Variants in ITPR1 observed in about 807,000 individuals in gnomAD.
ITPR1 encodes inositol 1,4,5-trisphosphate-gated calcium channel ITPR1.
ITPR1 carries 96 observed loss-of-function variants against 318.4 expected under a neutral mutation model. The observed-to-expected ratio is 0.30, with a 90% CI of 0.26 to 0.36. The LOEUF (loss-of-function observed/expected upper bound fraction) is 0.36. Ranked by LOEUF, ITPR1 falls within the 10% of genes least tolerant of loss-of-function variation. The pLI is 1.00. For missense variants in ITPR1, 2,440 were observed against 3,460.2 expected, an observed-to-expected ratio of 0.71 and a Z score of 7.40; for synonymous variants, 1,312 against 1,289.9, an observed-to-expected ratio of 1.02 and a Z score of -0.37.
At chr3:4,705,316 T>C (rs889614824) in intron 36 of ITPR1, among the ~76,000 whole-genome samples, 18 of 152,204 alleles carry the variant, frequency 1.2e-4, no homozygotes, top group African/African-American at 3.9e-4. Flanking sequence ...CCCTCACCCA[T>C]TGTCACCCGT....
At chr3:4,678,769 G>C (rs980137595) in intron 24 of ITPR1, among the ~76,000 whole-genome samples, 1 of 152,142 alleles carries the variant, frequency 6.6e-6, no homozygotes, top group South Asian at 2.1e-4. Flanking sequence ...ACAAGGGCCC[G>C]TTCTCAGGTG....
chr3:4,842,051 A>G (rs1257078243), intron 61 of ITPR1, among the ~76,000 whole-genome samples: 2 of 152,220 alleles, frequency 1.3e-5, no homozygotes, highest in African/African-American at 4.8e-5. Flanking sequence ...TGTGTTATAA[A>G]CCAGAAATGT....
chr3:4,587,756 G>A (rs1559494862), intron 4 of ITPR1, among the ~76,000 whole-genome samples: 1 of 152,220 alleles, frequency 6.6e-6, no homozygotes, highest in Non-Finnish European at 1.5e-5. Context: ...GATACTGAAA[G>A]AGAAACTGTC....
chr3:4,759,057 A>G (rs1324674949), intron 44 of ITPR1, among the ~76,000 whole-genome samples: 1 of 152,080 alleles, frequency 6.6e-6, no homozygotes, highest in Non-Finnish European at 1.5e-5. Flanking sequence ...TGTTATGTAA[A>G]TGGCCAAAGA....
intron 6 of ITPR1, 33 bp downstream of exon 6, chr3:4,639,503 G>T (rs1257242572): frequency 3.4e-6 from 5 of 1,453,458 alleles, no homozygotes; most frequent in Non-Finnish European, 4.7e-6. Flanking sequence ...TTCTGAAGCT[G>T]AAGCGTTACA....
chr3:4,493,886 C>CTTTTTTTTTTTTTTT (rs71301158), intron 1 of ITPR1, among the ~76,000 whole-genome samples: 1 of 125,622 alleles, frequency 8.0e-6, no homozygotes, highest in Non-Finnish European at 1.7e-5. Flanking sequence ...GGAAATAGTT[C>CTTTTTTTTTTTTTTT]TTTTTTTTTT....
intron 60 of ITPR1, among the ~76,000 whole-genome samples, chr3:4,827,196 C>T (rs564999506): frequency 9.8e-5 from 15 of 152,330 alleles, no homozygotes; most frequent in Admixed American, 7.8e-4. Flanking sequence ...GCTCCTGCCC[C>T]GACAGCACCA....
intron 22 of ITPR1, 110 bp downstream of exon 22, chr3:4,674,453 T>C (rs2094146167): frequency 4.5e-6 from 4 of 898,654 alleles, no homozygotes; most frequent in East Asian, 2.8e-5. Flanking sequence ...CATGATGCTC[T>C]GGTTTTGTAA....
Position 4,806,091 on chromosome 3 carries a change from C to A in ITPR1, c.7108-12C>A. The A allele has an allele frequency of 1.2e-6, 2 of 1,609,842 alleles. No individual in the cohort carries two copies. Among genetic ancestry groups the A allele is most frequent in the South Asian group, 1.1e-5 (1 of 90,522 alleles). On this transcript the variant is annotated splice_polypyrimidine_tract_variant and intron_variant, in intron 54 of 61. Transcript: ENST00000649015. ...GTCCGTGCCATCTGACTGTTCCTGT[C>A]ATTGTTCTCAGGTATGCAATAAAAT...
intron 4 of ITPR1, among the ~76,000 whole-genome samples, chr3:4,587,356 C>T (rs950074684): frequency 4.0e-5 from 6 of 151,196 alleles, no homozygotes; most frequent in African/African-American, 1.2e-4. Context: ...TTACTGCAAC[C>T]TCCACCTCCC....
intron 4 of ITPR1, among the ~76,000 whole-genome samples, chr3:4,567,606 T>TC (rs1411804727): frequency 1.4e-5 from 2 of 140,650 alleles, no homozygotes; most frequent in Admixed American, 7.3e-5. Flanking sequence ...TGAGCTAGTT[T>TC]TTTTTGGTTT....
chr3:4,810,836 G>GTA (rs1353815602), intron 55 of ITPR1, among the ~76,000 whole-genome samples: 1 of 152,206 alleles, frequency 6.6e-6, no homozygotes, highest in Non-Finnish European at 1.5e-5. Context: ...CTGGCTTGTA[G>GTA]TACGTCTGCC....
intron 2 of ITPR1, among the ~76,000 whole-genome samples, chr3:4,505,516 T>C (rs771012833): frequency 6.6e-6 from 1 of 152,192 alleles, no homozygotes; most frequent in African/African-American, 2.4e-5. Context: ...TTGATTTTTA[T>C]TATTTTTAAA....
At chr3:4,596,638 G>A (rs886537497) in intron 4 of ITPR1, among the ~76,000 whole-genome samples, 7 of 152,160 alleles carry the variant, frequency 4.6e-5, no homozygotes, top group African/African-American at 1.7e-4. Flanking sequence ...GACTGCCTCT[G>A]CTAGAATCCT....
At chr3:4,516,083 A>G (rs1352878059) in intron 2 of ITPR1, among the ~76,000 whole-genome samples, 1 of 152,156 alleles carries the variant, frequency 6.6e-6, no homozygotes, top group Non-Finnish European at 1.5e-5. Flanking sequence ...CCTGAAGCAA[A>G]TTGAATATGT....
In ITPR1 at chr3:4,662,086, G is replaced by A. The variant is rs775487855; in HGVS notation, c.1256G>A (p.Gly419Asp). 3 of 1,611,972 alleles carry A rather than the reference G, an allele frequency of 1.9e-6. No individual in the cohort carries two copies. The highest frequency in any genetic ancestry group is 1.1e-5 in the South Asian group (1 of 90,780). The change falls in exon 15 of 62, where the codon GGC (glycine) becomes GAC (aspartate). Residue 419 changes from glycine to aspartate, a missense_variant. By Grantham distance (94) the Gly-to-Asp change is moderately conservative. Around this residue, in one of 23 missense-constraint regions of ITPR1, gnomAD observed 101 missense variants for 119.6 expected, o/e 0.84. Transcript: ENST00000649015. ...AAGGACCACCTTGAATTTCAGATTG[G>A]CACCTCTCCTGTGAAGGAGGATAAG... Reference protein sequence around the residue: ...EEEKPVMLKIGTSPVKEDKEA... With the variant: ...EEEKPVMLKIDTSPVKEDKEA...
chr3:4,503,506 A>G (rs1453618587), intron 2 of ITPR1, among the ~76,000 whole-genome samples: 1 of 152,184 alleles, frequency 6.6e-6, no homozygotes, highest in Non-Finnish European at 1.5e-5. Context: ...AGCAAAACCT[A>G]TCTATGTCCT....
chr3:4,593,763 A>G (rs185776273), intron 4 of ITPR1, among the ~76,000 whole-genome samples: 1 of 152,378 alleles, frequency 6.6e-6, no homozygotes, highest in Admixed American at 6.5e-5. Context: ...AGGAGAGACC[A>G]GTGCAAAAGA....
Position 4,691,130 on chromosome 3 carries a change from C to T in ITPR1, c.3829-14C>T. ...TGACTTGTCCCTGTGCTCTTTTCCT[C>T]ACTCTTGTGCCAGATCCTGGAGGCA... On this transcript the variant is annotated splice_polypyrimidine_tract_variant and intron_variant, in intron 31 of 61. Coordinates refer to ENST00000649015, the MANE Select transcript of ITPR1 (RefSeq NM_001378452.1). 1 of 1,584,268 alleles carries T rather than the reference C, an allele frequency of 6.3e-7. No individual in the cohort carries two copies. The highest frequency in any genetic ancestry group is 8.6e-7 in the Non-Finnish European group (1 of 1,160,504).
Sources: gnomAD v4.1 joint callset for allele counts (sites outside exome capture counted in the v4.1 genomes callset) on GRCh38, gnomAD v4.1.1 for gene constraint, gnomAD v4.1.1 regional missense constraint, MANE v1.5 for transcripts, NCBI Gene and HGNC (gene_info 2026-07-23, HGNC 2026-07-21) for gene names.